Variants in DKK2 observed in about 807,000 individuals in gnomAD.
The protein encoded by DKK2 is dickkopf-related protein 2.
In DKK2, 11 loss-of-function variants were observed where a neutral mutation model predicts 28.1. The ratio of observed to expected loss-of-function variants is 0.39; its 90% CI spans 0.25 to 0.65. The LOEUF is 0.65. Among genes scored for constraint, DKK2 ranks in the 30% least tolerant of loss-of-function variants. The pLI, the probability that DKK2 is intolerant of heterozygous loss-of-function variation, is 0.47. For synonymous variants in DKK2, 135 were observed against 126.5 expected (o/e 1.07, Z -0.45); for missense variants, 326 against 335.5 (o/e 0.97, Z 0.22).
At chr4:106,989,743 GGTT>G (rs1723178013) in intron 1 of DKK2, among the ~76,000 whole-genome samples, 1 of 152,150 alleles carries the variant, frequency 6.6e-6, no homozygotes, top group Non-Finnish European at 1.5e-5. Context: ...GTTCTGTTTT[GGTT>G]GTTGGTGATG....
chr4:106,993,758 T>G (rs1723235383), intron 1 of DKK2, among the ~76,000 whole-genome samples: 1 of 152,190 alleles, frequency 6.6e-6, no homozygotes, highest in African/African-American at 2.4e-5. Flanking sequence ...ATTCATTGCT[T>G]TGATTATGAA....
chr4:107,001,953 A>G (rs768437694), intron 1 of DKK2, among the ~76,000 whole-genome samples: 9 of 152,182 alleles, frequency 5.9e-5, no homozygotes, highest in Non-Finnish European at 1.0e-4. Context: ...TTACACCACT[A>G]CAGACCTCAA....
At chr4:106,931,351 C>G (rs1225783860) in intron 1 of DKK2, among the ~76,000 whole-genome samples, 3 of 151,898 alleles carry the variant, frequency 2.0e-5, no homozygotes, top group African/African-American at 7.3e-5. Context: ...ATTTATTGAA[C>G]ACCAACTATG....
At chr4:107,022,248 G>C (rs1723707815) in intron 1 of DKK2, among the ~76,000 whole-genome samples, 1 of 152,062 alleles carries the variant, frequency 6.6e-6, no homozygotes, top group African/African-American at 2.4e-5. Context: ...CACTACATTT[G>C]TTTTTATTGC....
intron 1 of DKK2, among the ~76,000 whole-genome samples, chr4:106,949,927 A>G (rs1724834596): frequency 6.6e-6 from 1 of 152,144 alleles, no homozygotes; most frequent in South Asian, 2.1e-4. Context: ...AGCATTATTA[A>G]AAAAATTATA....
At chr4:106,938,141 A>G (rs1162473995) in intron 1 of DKK2, among the ~76,000 whole-genome samples, 2 of 148,160 alleles carry the variant, frequency 1.3e-5, no homozygotes, top group Admixed American at 1.3e-4. Context: ...AAGGAAATAG[A>G]GACACAAAAA....
chr4:107,015,213 A>C (rs1392427772), intron 1 of DKK2, among the ~76,000 whole-genome samples: 1 of 151,588 alleles, frequency 6.6e-6, no homozygotes, highest in Non-Finnish European at 1.5e-5. Context: ...AGGTACCTAT[A>C]CACTTGGTAT....
chr4:106,935,618 C>A (rs1030280894), intron 1 of DKK2, among the ~76,000 whole-genome samples: 4 of 152,246 alleles, frequency 2.6e-5, no homozygotes, highest in Non-Finnish European at 5.9e-5. Context: ...CCCACCACAG[C>A]TCAAGGAGGC....
intron 1 of DKK2, among the ~76,000 whole-genome samples, chr4:106,957,355 G>C (rs1442228692): frequency 2.0e-5 from 3 of 151,834 alleles, no homozygotes; most frequent in Non-Finnish European, 2.9e-5. Context: ...CGATTCCTCA[G>C]GGATCTAGAA....
chr4:106,966,712 C>T (rs1041879186), intron 1 of DKK2, among the ~76,000 whole-genome samples: 1 of 152,114 alleles, frequency 6.6e-6, no homozygotes, highest in Non-Finnish European at 1.5e-5. Context: ...AGAAAGGTCA[C>T]AATGAGGAAC....
chr4:106,978,180 C>T (rs1199649590), intron 1 of DKK2, among the ~76,000 whole-genome samples: 2 of 152,152 alleles, frequency 1.3e-5, no homozygotes, highest in Non-Finnish European at 2.9e-5. Flanking sequence ...CTGTCGACCC[C>T]TGCTGGGAGG....
At chr4:106,936,822 A>G (rs1280931901) in intron 1 of DKK2, among the ~76,000 whole-genome samples, 1 of 151,726 alleles carries the variant, frequency 6.6e-6, no homozygotes, top group Non-Finnish European at 1.5e-5. Context: ...CAACATTCTT[A>G]AAGAAAAGAA....
chr4:106,952,613 G>A (rs1722486666), intron 1 of DKK2, among the ~76,000 whole-genome samples: 1 of 151,924 alleles, frequency 6.6e-6, no homozygotes, highest in African/African-American at 2.4e-5. Context: ...TTAAAATGAG[G>A]GCTACTTCAA....
chr4:107,030,346 A>C (rs1051341305), intron 1 of DKK2, among the ~76,000 whole-genome samples: 2 of 152,038 alleles, frequency 1.3e-5, no homozygotes, highest in East Asian at 3.8e-4. Context: ...AGTAATACTA[A>C]ATTTTTCTTA....
At chr4:107,033,465 A>G (rs1477709372) in intron 1 of DKK2, among the ~76,000 whole-genome samples, 2 of 152,230 alleles carry the variant, frequency 1.3e-5, no homozygotes, top group Non-Finnish European at 2.9e-5. Flanking sequence ...GTATTAAAAC[A>G]TAAAGAAGAA....
At chr4:106,938,535 G>C (rs1304659955) in intron 1 of DKK2, among the ~76,000 whole-genome samples, 1 of 152,164 alleles carries the variant, frequency 6.6e-6, no homozygotes, top group Non-Finnish European at 1.5e-5. Flanking sequence ...AATTCTACCA[G>C]AGGTAAAAGG....
chr4:106,966,709 T>C (rs1482778566), intron 1 of DKK2, among the ~76,000 whole-genome samples: 3 of 152,130 alleles, frequency 2.0e-5, no homozygotes, highest in African/African-American at 7.2e-5. Flanking sequence ...AAAAGAAAGG[T>C]CACAATGAGG....
intron 1 of DKK2, among the ~76,000 whole-genome samples, chr4:106,984,532 C>G (rs922330557): frequency 2.6e-5 from 4 of 152,292 alleles, no homozygotes; most frequent in African/African-American, 7.2e-5. Context: ...TTTTTTAAGG[C>G]TGAATAATCT....
At chr4:107,030,273 C>T (rs1397351880) in intron 1 of DKK2, among the ~76,000 whole-genome samples, 3 of 152,018 alleles carry the variant, frequency 2.0e-5, no homozygotes, top group African/African-American at 7.2e-5. Flanking sequence ...TGTTATTCTG[C>T]TCTAGTTCCT....
Sources: allele counts gnomAD v4.1 joint callset (sites outside exome capture counted in the v4.1 genomes callset), GRCh38; gene constraint gnomAD v4.1.1; transcripts MANE v1.5; gene names NCBI Gene and HGNC (gene_info 2026-07-23, HGNC 2026-07-21).